FRMD4A: variants seen among roughly 807,000 people sequenced by gnomAD.
The protein encoded by FRMD4A is FERM domain containing 4A, also known as FERM domain-containing protein 4A.
A neutral mutation model predicts 129.1 loss-of-function variants in FRMD4A; 29 were observed. That is an observed-to-expected ratio of 0.22 (90% CI 0.17 to 0.31). The LOEUF (loss-of-function observed/expected upper bound fraction) is 0.31. Among genes scored for constraint, FRMD4A ranks in the 10% least tolerant of loss-of-function variants. The probability of loss-of-function intolerance (pLI) is 1.00; values close to 1 mark genes in which losing one functional copy is unlikely to be tolerated. For synonymous variants in FRMD4A, 634 were observed against 571.6 expected, an observed-to-expected ratio of 1.11 and a Z score of -1.56; for missense variants, 1,272 against 1,375.8, an observed-to-expected ratio of 0.92 and a Z score of 1.19.
intron 13 of FRMD4A, among the ~76,000 whole-genome samples, chr10:13,702,265 G>T (rs2086904783): frequency 1.3e-5 from 2 of 152,048 alleles, no homozygotes; most frequent in African/African-American, 2.4e-5. Flanking sequence ...TAGAGACAGG[G>T]TTTCATCAGG....
At chr10:14,324,959 C>A (rs1474629495) in intron 2 of FRMD4A, among the ~76,000 whole-genome samples, 1 of 152,178 alleles carries the variant, frequency 6.6e-6, no homozygotes, top group Non-Finnish European at 1.5e-5. Flanking sequence ...CCGCACCTGG[C>A]CTGTATCTAA....
intron 2 of FRMD4A, among the ~76,000 whole-genome samples, chr10:14,185,469 AC>A (rs1484669067): frequency 8.5e-5 from 13 of 152,372 alleles, no homozygotes; most frequent in Middle Eastern, 3.4e-3. Context: ...AGTACAAAAA[AC>A]ATTACAACAT....
rs1346742426 is a variant in FRMD4A, at chr10:13,648,332, C to T, written c.*3-1297G>A. The T allele has an allele frequency of 2.6e-5, 4 of 152,198 alleles. 1 individual carries two copies. Among genetic ancestry groups the T allele is most frequent in the Admixed American group, 2.6e-4 (4 of 15,278 alleles). The allele number at this position is 152,198 out of a possible 1,614,324, so 9.4% of individuals were successfully genotyped here. A position where few individuals can be genotyped will look rare whatever the true frequency, so the allele number is the denominator to read the frequency against. On this transcript the variant is annotated intron_variant, in intron 24 of 24. Coordinates refer to ENST00000357447, the MANE Select transcript of FRMD4A (RefSeq NM_018027.5). The stretch of plus-strand genomic sequence containing the variant: ...ACCTGTCCTGCAAACTTTGTCTCCA[C>T]CCTAAGCTGACTTTTGACATTGTGC...
In FRMD4A at chr10:13,686,481, T is replaced by C. The variant is rs569197216; in HGVS notation, c.1117+7417A>G. Among the ~76,000 whole-genome samples, 12 of 152,350 alleles carry C rather than the reference T, an allele frequency of 7.9e-5. No individual in the cohort carries two copies. The South Asian group carries it at 2.1e-3, about 26-fold the overall frequency. ...TAACAATGGGAGGAAGTGCTAGCATTCAGAGAATGGGAGTGTGTCAACAGC... is the reference window on the plus strand; with the variant it reads ...TAACAATGGGAGGAAGTGCTAGCATCCAGAGAATGGGAGTGTGTCAACAGC... On this transcript the variant is annotated intron_variant, in intron 15 of 24. Transcript: ENST00000357447.
intron 2 of FRMD4A, among the ~76,000 whole-genome samples, chr10:14,223,812 G>A (rs1037676266): frequency 2.7e-5 from 4 of 148,494 alleles, no homozygotes; most frequent in African/African-American, 9.9e-5. Context: ...TGCAACATAT[G>A]GCTAAAAGAA....
intron 2 of FRMD4A, among the ~76,000 whole-genome samples, chr10:14,199,942 G>A (rs1589158244): frequency 6.6e-6 from 1 of 150,494 alleles, no homozygotes; most frequent in East Asian, 2.0e-4. Context: ...TGGGGCACAT[G>A]TGATATTTTG....
chr10:14,282,349 A>G (rs1308365845), intron 2 of FRMD4A, among the ~76,000 whole-genome samples: 1 of 152,196 alleles, frequency 6.6e-6, no homozygotes, highest in Non-Finnish European at 1.5e-5. Flanking sequence ...TTCACAGTTT[A>G]CTAAGTCAAC....
rs138826096 is a variant in FRMD4A, at chr10:14,077,329, T to A, written c.46-218417A>T. ...TGGACTTGGCCAGTGGAAATTCAGT[T>A]TCTTCATTTGTCACTCGATGCCTGT... On this transcript the variant is annotated intron_variant, in intron 2 of 24. Coordinates refer to ENST00000357447, the MANE Select transcript of FRMD4A (RefSeq NM_018027.5). Among the ~76,000 whole-genome samples the A allele has an allele frequency of 6.1e-3, 929 of 152,296 alleles. 15 individuals carry two copies. The highest frequency in any genetic ancestry group is 0.021 in the African/African-American group (883 of 41,558).
chr10:14,291,451 G>A (rs1408579470), intron 2 of FRMD4A, among the ~76,000 whole-genome samples: 1 of 152,050 alleles, frequency 6.6e-6, no homozygotes, highest in Non-Finnish European at 1.5e-5. Flanking sequence ...GTATAAAAAT[G>A]GCTAGTCATC....
chr10:14,021,141 G>T (rs1452266920), intron 2 of FRMD4A, among the ~76,000 whole-genome samples: 1 of 152,086 alleles, frequency 6.6e-6, no homozygotes, highest in Non-Finnish European at 1.5e-5. Context: ...ACCAAGCTGG[G>T]ATTGAGACTT....
At chr10:14,093,828 C>T (rs1836791545) in intron 2 of FRMD4A, among the ~76,000 whole-genome samples, 1 of 152,220 alleles carries the variant, frequency 6.6e-6, no homozygotes, top group Non-Finnish European at 1.5e-5. Flanking sequence ...AATTAGATAT[C>T]CTAGAATGTT....
chr10:13,666,335 G>C lies in FRMD4A; in HGVS notation c.1375-10C>G. On this transcript the variant is annotated splice_polypyrimidine_tract_variant and intron_variant, in intron 17 of 24. Coordinates refer to ENST00000357447, the MANE Select transcript of FRMD4A (RefSeq NM_018027.5). ...GTTCCAGCTCAGCTTCCTGTGGGAG[G>C]GAAAGCACCGGTTTGGGTTACTGGG... 1.9e-6 allele frequency: 3 copies of C among 1,594,210 alleles called. No individual in the cohort carries two copies. Among genetic ancestry groups the C allele is most frequent in the Non-Finnish European group, 2.6e-6 (3 of 1,162,208 alleles).
At chr10:14,187,119 AAAGGAAAGAAGGAAAG>A (rs201938305) in intron 2 of FRMD4A, among the ~76,000 whole-genome samples, 2 of 146,992 alleles carry the variant, frequency 1.4e-5, no homozygotes, top group African/African-American at 5.0e-5. Context: ...GCTCTGTCTC[AAAGGAAAGAAGGAAAG>A]AAGGAAGGAA....
intron 2 of FRMD4A, among the ~76,000 whole-genome samples, chr10:13,886,971 T>G (rs992500325): frequency 6.6e-6 from 1 of 152,186 alleles, no homozygotes; most frequent in Non-Finnish European, 1.5e-5. Flanking sequence ...AGTCAGAGTT[T>G]GGGGCAAAGG....
intron 14 of FRMD4A, among the ~76,000 whole-genome samples, chr10:13,696,832 A>G (rs1455517842): frequency 2.0e-5 from 3 of 152,220 alleles, no homozygotes; most frequent in East Asian, 3.8e-4. Context: ...TGATTCTCAG[A>G]TACATGTTTG....
intron 2 of FRMD4A, among the ~76,000 whole-genome samples, chr10:14,010,613 G>C (rs1294047473): frequency 6.8e-6 from 1 of 146,784 alleles, no homozygotes; most frequent in African/African-American, 2.5e-5. Context: ...TGATTGTCTT[G>C]CCATGGGTGT....
At chr10:14,083,176 T>C (rs1836031423) in intron 2 of FRMD4A, 1 of 152,208 alleles carries the variant, frequency 6.6e-6, no homozygotes, top group Admixed American at 6.5e-5. Flanking sequence ...TGCAAGTGGA[T>C]CACACTTGAA....
At chr10:13,960,275 A>C (rs1049632539) in intron 2 of FRMD4A, among the ~76,000 whole-genome samples, 4 of 152,246 alleles carry the variant, frequency 2.6e-5, no homozygotes, top group South Asian at 2.1e-4. Flanking sequence ...CACCACAGTT[A>C]TGATAATAGT....
intron 2 of FRMD4A, among the ~76,000 whole-genome samples, chr10:14,216,874 C>A (rs1388000980): frequency 6.6e-6 from 1 of 152,152 alleles, no homozygotes; most frequent in East Asian, 1.9e-4. Context: ...TTTCTACTCT[C>A]TTCTTTTGCA....
Sources: gnomAD v4.1 joint callset for allele counts (sites outside exome capture counted in the v4.1 genomes callset) on GRCh38, gnomAD v4.1.1 for gene constraint, MANE v1.5 for transcripts, NCBI Gene and HGNC (gene_info 2026-07-23, HGNC 2026-07-21) for gene names.